The following LGSN variants were observed in gnomAD, a reference collection of about 807,000 sequenced individuals.
The protein encoded by LGSN is lengsin.
In LGSN, 21 loss-of-function variants were observed where a neutral mutation model predicts 19.5. The observed-to-expected ratio is 1.07, with a 90% CI of 0.76 to 1.55. The LOEUF is 1.55. Among genes scored for constraint, LGSN ranks in the 40% most tolerant of loss-of-function variants. The pLI is 0.00. For missense variants in LGSN, 673 were observed against 608.5 expected, an observed-to-expected ratio of 1.11 and a Z score of -1.12; for synonymous variants, 257 against 215.6, an observed-to-expected ratio of 1.19 and a Z score of -1.68.
the LGSN span, among the ~76,000 whole-genome samples, chr6:63,350,105 GAAGT>G: frequency 6.6e-6 from 1 of 152,344 alleles, no homozygotes; most frequent in African/African-American, 2.4e-5. Flanking sequence ...GGTTGGTGCA[GAAGT>G]AATTAGCAAA....
chr6:63,424,839 G>T, the LGSN span, among the ~76,000 whole-genome samples: 4 of 152,142 alleles, frequency 2.6e-5, no homozygotes, highest in African/African-American at 9.6e-5. Context: ...TTGAGTGCAG[G>T]AGTTCAAGGC....
At chr6:63,287,518 G>A (rs1470791419) in intron 2 of LGSN, among the ~76,000 whole-genome samples, 1 of 151,812 alleles carries the variant, frequency 6.6e-6, no homozygotes, top group Non-Finnish European at 1.5e-5. Flanking sequence ...GACCAGCCTG[G>A]GCAACATAGC....
At chr6:63,556,678 G>A in the LGSN span, among the ~76,000 whole-genome samples, 4 of 152,176 alleles carry the variant, frequency 2.6e-5, no homozygotes, top group African/African-American at 9.7e-5. Context: ...GGGTGAATCT[G>A]TACTACATCA....
the LGSN span, among the ~76,000 whole-genome samples, chr6:63,369,705 G>A: frequency 6.6e-6 from 1 of 152,164 alleles, no homozygotes; most frequent in Non-Finnish European, 1.5e-5. Flanking sequence ...TCTCTTAATA[G>A]GAATAGAGTA....
the LGSN span, among the ~76,000 whole-genome samples, chr6:63,364,147 A>G: frequency 6.6e-6 from 1 of 152,162 alleles, no homozygotes; most frequent in Non-Finnish European, 1.5e-5. Flanking sequence ...TTGGATAAAG[A>G]GTCAAGACCC....
intron 3 of LGSN, among the ~76,000 whole-genome samples, chr6:63,283,586 T>C (rs573779264): frequency 1.0e-3 from 153 of 150,690 alleles, no homozygotes; most frequent in Middle Eastern, 3.5e-3. Context: ...CACACACACA[T>C]GCAATGTTTA....
the LGSN span, among the ~76,000 whole-genome samples, chr6:63,474,608 CA>C: frequency 0.51 from 60,417 of 118,220 alleles, 14,595 homozygotes; most frequent in Middle Eastern, 0.6. Flanking sequence ...GACTCCATCT[CA>C]AAAAAAAAAA....
At chr6:63,324,349 A>C (rs1209981616), upstream of LGSN, among the ~76,000 whole-genome samples, 1 of 152,216 alleles carries the variant, frequency 6.6e-6, no homozygotes, top group East Asian at 1.9e-4. Flanking sequence ...TCTTGATAAC[A>C]GTTTCCTTTT....
At chr6:63,358,196 A>C in the LGSN span, among the ~76,000 whole-genome samples, 1 of 152,092 alleles carries the variant, frequency 6.6e-6, no homozygotes, top group African/African-American at 2.4e-5. Context: ...GTCCATATCT[A>C]TGTTTTGCTA....
In LGSN at chr6:63,280,688, C is replaced by T; in HGVS notation, c.863G>A (p.Gly288Asp). 3.1e-6 allele frequency: 5 copies of T among 1,614,076 alleles called. No individual in the cohort carries two copies. Among genetic ancestry groups the T allele is most frequent in the South Asian group, 1.1e-5 (1 of 91,080 alleles). ...ATATTTCCTTGCCACTTCTTTGACA[C>T]CTGTTCTGAGGGTAAATGCATTATC... ...SADNAFTLRT[G>D]VKEVARKYNY... The change falls in exon 4 of 4, where the codon GGT becomes GAT. Residue 288 changes from glycine to aspartate, a missense_variant. Gly to Asp is a moderately conservative substitution (Grantham distance 94, BLOSUM62 -1). Transcript: ENST00000370657.
intron 1 of LGSN, among the ~76,000 whole-genome samples, chr6:63,316,572 T>G (rs147348147): frequency 4.5e-4 from 69 of 152,272 alleles, no homozygotes; most frequent in African/African-American, 1.6e-3. Context: ...TTTGTTTTAT[T>G]TAGTATGTTC....
the LGSN span, among the ~76,000 whole-genome samples, chr6:63,476,345 T>C: frequency 6.6e-6 from 1 of 152,248 alleles, no homozygotes; most frequent in Non-Finnish European, 1.5e-5. Context: ...CGATTAACTC[T>C]TGTGGCATAA....
the LGSN span, among the ~76,000 whole-genome samples, chr6:63,420,813 C>G: frequency 3.9e-5 from 6 of 151,932 alleles, no homozygotes; most frequent in African/African-American, 1.4e-4. Flanking sequence ...ATGTAACTAC[C>G]TAACACAGAT....
chr6:63,437,751 G>A, the LGSN span, among the ~76,000 whole-genome samples: 2 of 152,004 alleles, frequency 1.3e-5, no homozygotes, highest in East Asian at 3.9e-4. Flanking sequence ...CCAACATAGT[G>A]AAACCCTGTC....
chr6:63,506,921 T>C, the LGSN span, among the ~76,000 whole-genome samples: 19 of 152,202 alleles, frequency 1.2e-4, no homozygotes, highest in East Asian at 2.3e-3. Context: ...CACGTGACAC[T>C]ATCTTACTAG....
the LGSN span, among the ~76,000 whole-genome samples, chr6:63,349,267 C>G: frequency 6.6e-6 from 1 of 152,154 alleles, no homozygotes; most frequent in Admixed American, 6.5e-5. Flanking sequence ...TAAGAAGCCA[C>G]TCTGTAATGT....
At chr6:63,411,236 G>A in the LGSN span, among the ~76,000 whole-genome samples, 1 of 152,118 alleles carries the variant, frequency 6.6e-6, no homozygotes. Flanking sequence ...CAAGCACCAG[G>A]AATTACGCTG....
At chr6:63,356,867 C>T in the LGSN span, among the ~76,000 whole-genome samples, 1 of 152,018 alleles carries the variant, frequency 6.6e-6, no homozygotes. Flanking sequence ...TTTTAGGGTA[C>T]ATGTACACAA....
chr6:63,465,076 C>T, the LGSN span, among the ~76,000 whole-genome samples: 1 of 151,228 alleles, frequency 6.6e-6, no homozygotes, highest in African/African-American at 2.4e-5. Flanking sequence ...TTTACTATTA[C>T]CCACCCCATG....
Sources: gnomAD v4.1 joint callset for allele counts (sites outside exome capture counted in the v4.1 genomes callset) on GRCh38, gnomAD v4.1.1 for gene constraint, MANE v1.5 for transcripts, NCBI Gene and HGNC (gene_info 2026-07-23, HGNC 2026-07-21) for gene names.